The following BANP variants were observed in gnomAD, a reference collection of about 807,000 sequenced individuals.
BANP encodes BTG3 associated nuclear protein.
BANP carries 11 observed loss-of-function variants against 68.1 expected under a neutral mutation model. The ratio of observed to expected loss-of-function variants is 0.16; its 90% CI spans 0.10 to 0.27. The LOEUF is 0.27. Among genes scored for constraint, BANP ranks in the 10% least tolerant of loss-of-function variants. BANP has a pLI of 1.00. For synonymous variants in BANP, 329 were observed against 303.2 expected (o/e 1.09, Z -0.88); for missense variants, 504 against 722.7 (o/e 0.70, Z 3.47).
At chr16:88,056,694 CAGT>C in intron 11 of BANP, among the ~76,000 whole-genome samples, 1 of 146,296 alleles carries the variant, frequency 6.8e-6, no homozygotes, top group East Asian at 1.9e-4. Context: ...TGATGTCAGA[CAGT>C]GGTGGCAGGC....
At chr16:87,984,912 G>A (rs2064009346) in intron 4 of BANP, among the ~76,000 whole-genome samples, 1 of 152,236 alleles carries the variant, frequency 6.6e-6, no homozygotes, top group Non-Finnish European at 1.5e-5. Flanking sequence ...AGTGGACACG[G>A]CACGGCTTTG....
At chr16:87,992,310 A>T (rs927287399) in intron 4 of BANP, among the ~76,000 whole-genome samples, 2 of 152,142 alleles carry the variant, frequency 1.3e-5, no homozygotes, top group African/African-American at 4.8e-5. Context: ...GTTAGTCTGC[A>T]GTTTTCTTTT....
chr16:87,995,907 T>G (rs1337383031), intron 4 of BANP, among the ~76,000 whole-genome samples: 1 of 152,246 alleles, frequency 6.6e-6, no homozygotes, highest in Non-Finnish European at 1.5e-5. Flanking sequence ...GTTCCTGCGG[T>G]GCCCGGGGTG....
intron 6 of BANP, among the ~76,000 whole-genome samples, chr16:88,008,839 A>G (rs778884368): frequency 6.6e-6 from 1 of 152,084 alleles, no homozygotes; most frequent in African/African-American, 2.4e-5. Flanking sequence ...TCTCATCTTA[A>G]ATTTGACTTT....
rs2090461742 is a variant in BANP at position 88,071,994 on chromosome 16, C to T, written c.1378-75C>T. On this transcript the variant is annotated intron_variant, in intron 12 of 13. Transcript: ENST00000682872. The surrounding 1 kb of genome is among the most constrained non-coding windows in gnomAD (Gnocchi z 6.5). ...GCACGTGTGGGCTGGGGTCTGCGGT[C>T]TGTGGAGCCATGTGGGTTGTGGGTT... 5 of 1,529,122 alleles carry T rather than the reference C, an allele frequency of 3.3e-6. No individual in the cohort carries two copies. Among genetic ancestry groups the T allele is most frequent in the South Asian group, 1.2e-5 (1 of 83,264 alleles). The allele number at this position is 1,529,122 out of a possible 1,614,324, so 94.7% of individuals were successfully genotyped here. A position where few individuals can be genotyped will look rare whatever the true frequency, so the allele number is the denominator to read the frequency against.
intron 4 of BANP, among the ~76,000 whole-genome samples, chr16:87,997,958 C>T (rs941204054): frequency 2.6e-5 from 4 of 152,216 alleles, no homozygotes; most frequent in South Asian, 2.1e-4. Flanking sequence ...GAACTGACCC[C>T]GCACAGTGGA....
At chr16:88,023,803 T>G (rs994011593) in intron 7 of BANP, among the ~76,000 whole-genome samples, 1 of 152,192 alleles carries the variant, frequency 6.6e-6, no homozygotes, top group African/African-American at 2.4e-5. Context: ...TTTAGCTCTT[T>G]GGGGACTGCA....
intron 6 of BANP, among the ~76,000 whole-genome samples, chr16:88,014,587 G>A (rs766675362): frequency 2.6e-5 from 4 of 152,122 alleles, no homozygotes; most frequent in African/African-American, 7.2e-5. Context: ...GCTCAGCTAA[G>A]TGTGTTTGAG....
At chr16:87,975,571 C>CCGTGTGCGGCGT (rs1567632794) in intron 2 of BANP, among the ~76,000 whole-genome samples, 2 of 144,576 alleles carry the variant, frequency 1.4e-5, no homozygotes, top group Non-Finnish European at 3.1e-5. Context: ...GTGTGTAATC[C>CCGTGTGCGGCGT]CATGTGCGGC....
intron 13 of BANP, among the ~76,000 whole-genome samples, chr16:88,075,523 G>T (rs1047370802): frequency 8.5e-5 from 13 of 152,214 alleles, no homozygotes; most frequent in African/African-American, 2.9e-4. Context: ...AATGAAGCAG[G>T]ACCTTAACTA....
At chr16:88,006,427 ACC>A (rs1198504176) in intron 6 of BANP, among the ~76,000 whole-genome samples, 162 bp downstream of exon 6, 10 of 150,596 alleles carry the variant, frequency 6.6e-5, no homozygotes, top group East Asian at 4.0e-4. Context: ...CGGGCGGATC[ACC>A]TGAAGTCGGG....
At chr16:88,048,815 A>T (rs2082593284) in intron 11 of BANP, among the ~76,000 whole-genome samples, 1 of 152,198 alleles carries the variant, frequency 6.6e-6, no homozygotes, top group South Asian at 2.1e-4. Context: ...CCACAGATTA[A>T]AGAAAGGACA....
rs145542719 is a variant in BANP at position 87,968,498 on chromosome 16, AT to A, written c.-68-6549del. ...AAACTCTGTCTCAAAAAAAAAAAAA[AT>A]AAGTTTAGTTTATCCCTTTAATAAT... On this transcript the variant is annotated intron_variant, in intron 1 of 13. Coordinates refer to ENST00000682872, the MANE Select transcript of BANP (RefSeq NM_001386991.1). Among the ~76,000 whole-genome samples the A allele has an allele frequency of 7.3e-4, 109 of 149,602 alleles. 2 individuals are homozygous for A. The highest frequency in any genetic ancestry group is 2.5e-3 in the African/African-American group (98 of 39,958).
rs954348725 is a variant in BANP, at chr16:88,003,300, G to T, written c.363-995G>T. 2.0e-5 allele frequency among the ~76,000 whole-genome samples: 3 copies of T among 152,192 alleles called. No individual in the cohort carries two copies. The highest frequency in any genetic ancestry group is 6.5e-5 in the Admixed American group (1 of 15,282). The stretch of plus-strand genomic sequence containing the variant: ...CTGTGATTTACTTGAGCATGGCGTG[G>T]TGCTGTGCTGGCACTCAATGTGGGG... On this transcript the variant is annotated intron_variant, in intron 4 of 13. Transcript: ENST00000682872. This position sits in a 1 kb window ranked among gnomAD's most constrained non-coding sequence, Gnocchi z 6.1.
At chr16:88,044,344 G>A (rs1477101831) in intron 11 of BANP, among the ~76,000 whole-genome samples, 3 of 152,230 alleles carry the variant, frequency 2.0e-5, no homozygotes, top group Admixed American at 6.5e-5. Context: ...AGGCCACAGC[G>A]AGAAGGCAGC....
At chr16:88,042,806 A>G (rs1303220238) in intron 11 of BANP, among the ~76,000 whole-genome samples, 2 of 151,538 alleles carry the variant, frequency 1.3e-5, no homozygotes, top group African/African-American at 4.9e-5. Flanking sequence ...GTCCCAAGCT[A>G]CTCATGAGGC....
intron 1 of BANP, among the ~76,000 whole-genome samples, chr16:87,964,132 A>G (rs2059642952): frequency 1.3e-5 from 2 of 152,260 alleles, no homozygotes; most frequent in African/African-American, 2.4e-5. Flanking sequence ...AAATCAGGAC[A>G]TGGGCACAAC....
chr16:88,018,705 G>A lies in BANP; in HGVS notation c.895+38G>A, dbSNP rs553751992. The A allele has an allele frequency of 5.2e-6, 8 of 1,539,164 alleles. No individual in the cohort carries two copies. In the Admixed American group the frequency reaches 7.9e-5, roughly 15 times the overall value. ...CCGCCTTGGGGGACTGGGGTGTGCGGGGAGCTGGGTCAGGACCCACATTTC... is the reference window on the plus strand; with the variant it reads ...CCGCCTTGGGGGACTGGGGTGTGCGAGGAGCTGGGTCAGGACCCACATTTC... On this transcript the variant is annotated intron_variant, in intron 7 of 13. Transcript: ENST00000682872. The surrounding 1 kb of genome is among the most constrained non-coding windows in gnomAD (Gnocchi z 7.7).
intron 4 of BANP, among the ~76,000 whole-genome samples, chr16:87,997,739 A>G (rs1360493934): frequency 6.6e-6 from 1 of 152,232 alleles, no homozygotes; most frequent in Non-Finnish European, 1.5e-5. Flanking sequence ...GTTCGTGGTA[A>G]AGTGGGTGAA....
Sources: allele counts gnomAD v4.1 joint callset (sites outside exome capture counted in the v4.1 genomes callset), GRCh38; gene constraint gnomAD v4.1.1; non-coding constraint Gnocchi (gnomAD v3.1); transcripts MANE v1.5; gene names NCBI Gene and HGNC (gene_info 2026-07-23, HGNC 2026-07-21).